Variants in DNAH7 observed in about 807,000 individuals in gnomAD.
DNAH7 encodes dynein axonemal heavy chain 7.
In DNAH7, 397 loss-of-function variants were observed where a neutral mutation model predicts 444.6. The observed-to-expected ratio is 0.89, with a 90% CI of 0.82 to 0.97. DNAH7 has a LOEUF of 0.97. Ranked by LOEUF, DNAH7 falls within the 50% of genes least tolerant of loss-of-function variation. The pLI is 0.00. For synonymous variants in DNAH7, 1,636 were observed against 1,624.4 expected, an observed-to-expected ratio of 1.01 and a Z score of -0.17; for missense variants, 4,902 against 4,800.8, an observed-to-expected ratio of 1.02 and a Z score of -0.62.
chr2:195,991,040 A>G (rs190738614), intron 12 of DNAH7, among the ~76,000 whole-genome samples: 2 of 149,480 alleles, frequency 1.3e-5, no homozygotes, highest in East Asian at 1.9e-4. Flanking sequence ...CATTTTTTCA[A>G]ATTACACCCA....
At chr2:195,785,609 T>G (rs1352168095) in intron 58 of DNAH7, among the ~76,000 whole-genome samples, 2 of 149,114 alleles carry the variant, frequency 1.3e-5, no homozygotes, top group Non-Finnish European at 3.0e-5. Context: ...TTTTTGGTTG[T>G]TGTTTTAAAT....
chr2:195,792,644 AAC>A (rs1695940517), intron 57 of DNAH7, among the ~76,000 whole-genome samples: 1 of 151,820 alleles, frequency 6.6e-6, no homozygotes, highest in Admixed American at 6.6e-5. Flanking sequence ...TAGATTAAAT[AAC>A]AGTGTATCCT....
rs558148975 is a variant in DNAH7, at chr2:195,762,795, C to T, written c.11434-6510G>A. Among the ~76,000 whole-genome samples the T allele has an allele frequency of 8.6e-5, 13 of 152,020 alleles. 1 individual carries two copies. The highest frequency in any genetic ancestry group is 8.5e-4 in the Admixed American group (13 of 15,272). On this transcript the variant is annotated intron_variant, in intron 61 of 64. Coordinates refer to ENST00000312428, the MANE Select transcript of DNAH7 (RefSeq NM_018897.3). ...AAATAGTAGCTGGAGACTTCAACAC[C>T]CTACTTTCAGCATCAGACAGACCAT...
At chr2:195,802,072 T>C (rs1354302094) in intron 54 of DNAH7, among the ~76,000 whole-genome samples, 1 of 152,232 alleles carries the variant, frequency 6.6e-6, no homozygotes, top group Admixed American at 6.5e-5. Context: ...CCTACTTTTG[T>C]GAAAGTGGGG....
intron 24 of DNAH7, among the ~76,000 whole-genome samples, chr2:195,916,650 G>A (rs1012606941): frequency 3.3e-5 from 5 of 152,170 alleles, no homozygotes; most frequent in East Asian, 1.9e-4. Flanking sequence ...TTGGGGCCAG[G>A]AGTTTGAGAC....
intron 24 of DNAH7, among the ~76,000 whole-genome samples, chr2:195,918,327 G>A (rs557327304): frequency 6.6e-6 from 1 of 152,294 alleles, no homozygotes; most frequent in African/African-American, 2.4e-5. Flanking sequence ...AATGCAAATG[G>A]AGTTCCAAAG....
chr2:196,029,769 A>G (rs989525735), intron 5 of DNAH7, among the ~76,000 whole-genome samples: 3 of 152,214 alleles, frequency 2.0e-5, no homozygotes, highest in African/African-American at 7.2e-5. Flanking sequence ...TATTCCGTTC[A>G]GAAATAAAAC....
At chr2:195,834,184 T>A in intron 48 of DNAH7, 22 bp downstream of exon 48, 1 of 1,594,502 alleles carries the variant, frequency 6.3e-7, no homozygotes, top group South Asian at 1.1e-5. Flanking sequence ...CTGTAATGTA[T>A]CTTAGTTATT....
At chr2:196,029,488 C>T (rs2125789341) in intron 5 of DNAH7, among the ~76,000 whole-genome samples, 1 of 152,088 alleles carries the variant, frequency 6.6e-6, no homozygotes, top group African/African-American at 2.4e-5. Flanking sequence ...TTCTATCATT[C>T]TAGGGCCAGC....
intron 10 of DNAH7, among the ~76,000 whole-genome samples, chr2:196,006,897 C>CA (rs1363722698): frequency 2.0e-5 from 3 of 151,754 alleles, no homozygotes; most frequent in East Asian, 1.9e-4. Flanking sequence ...TAATTACATA[C>CA]AAAAAATGTA....
At chr2:195,836,109 T>G (rs955114358) in intron 47 of DNAH7, among the ~76,000 whole-genome samples, 1 of 152,186 alleles carries the variant, frequency 6.6e-6, no homozygotes, top group Non-Finnish European at 1.5e-5. Context: ...CTATATGGCC[T>G]CTGCTCCATG....
In DNAH7 at chr2:195,775,880, G is replaced by A; in HGVS notation, c.11168C>T (p.Thr3723Ile). 6.2e-7 allele frequency: 1 copy of A among 1,614,142 alleles called. No individual in the cohort carries two copies. The highest frequency in any genetic ancestry group is 2.2e-5 in the East Asian group (1 of 44,874). ...NADITKDQSE[T>I]QLLFDNILLT... ...AAGAATGTTATCAAATAGCAGCTGA[G>A]TTTCTGACTGATCCTTAGTGATATC... The change falls in exon 60 of 65, where the codon ACT becomes ATT. Residue 3723 changes from threonine (T) to isoleucine (I), a missense_variant. Transcript: ENST00000312428.
intron 25 of DNAH7, among the ~76,000 whole-genome samples, chr2:195,907,992 A>T (rs971422388): frequency 5.3e-5 from 8 of 152,110 alleles, no homozygotes; most frequent in African/African-American, 1.9e-4. Flanking sequence ...AATCATGTCT[A>T]ATTTTCTACC....
chr2:195,917,283 T>A (rs755493906), intron 24 of DNAH7, among the ~76,000 whole-genome samples: 5 of 152,068 alleles, frequency 3.3e-5, no homozygotes, highest in South Asian at 4.2e-4. Context: ...ATGGCGGAGT[T>A]TGACAGGTAT....
At chr2:195,871,965 A>AAAAAAAAAAC in intron 40 of DNAH7, among the ~76,000 whole-genome samples, 1 of 81,762 alleles carries the variant, frequency 1.2e-5, no homozygotes, top group Non-Finnish European at 2.1e-5. Context: ...AAAAAAAAAA[A>AAAAAAAAAAC]AAAACTACTT....
At chr2:195,806,875 A>G (rs1175768719) in intron 53 of DNAH7, 43 bp from the exon 54 acceptor site, 1 of 1,518,120 alleles carries the variant, frequency 6.6e-7, no homozygotes. Flanking sequence ...TGGAGATTAT[A>G]AAGAGAACAG....
intron 12 of DNAH7, chr2:195,999,165 C>A: frequency 1.4e-6 from 1 of 717,174 alleles, no homozygotes; most frequent in East Asian, 2.7e-5. Flanking sequence ...TCTGAGGAGA[C>A]GAAACTTCAG....
intron 62 of DNAH7, among the ~76,000 whole-genome samples, chr2:195,755,120 A>G (rs1193808115): frequency 6.6e-6 from 1 of 152,250 alleles, no homozygotes; most frequent in Admixed American, 6.5e-5. Context: ...CATGTTACAT[A>G]GTTGAACAGA....
At chr2:195,976,743 C>CAGACAGAGAG (rs1297381237) in intron 15 of DNAH7, among the ~76,000 whole-genome samples, 2 of 18,350 alleles carry the variant, frequency 1.1e-4, no homozygotes, top group Non-Finnish European at 3.5e-4. Flanking sequence ...GACAGAGAGG[C>CAGACAGAGAG]AGACAGAGAG....
Sources: gnomAD v4.1 joint callset for allele counts (sites outside exome capture counted in the v4.1 genomes callset) on GRCh38, gnomAD v4.1.1 for gene constraint, MANE v1.5 for transcripts, NCBI Gene and HGNC (gene_info 2026-07-23, HGNC 2026-07-21) for gene names.